ARRDC1: variants seen among roughly 807,000 people sequenced by gnomAD.
The protein encoded by ARRDC1 is arrestin domain-containing protein 1.
Under a neutral mutation model 40.1 loss-of-function variants are expected in ARRDC1, and 37 were observed. The ratio of observed to expected loss-of-function variants is 0.92; its 90% CI spans 0.71 to 1.21. The LOEUF (loss-of-function observed/expected upper bound fraction) is 1.21, where lower values mean the gene tolerates loss of function less well. Among genes scored for constraint, ARRDC1 ranks in the 50% most tolerant of loss-of-function variants. The probability of loss-of-function intolerance (pLI) is 0.00; values close to 1 mark genes in which losing one functional copy is unlikely to be tolerated. For synonymous variants in ARRDC1, 310 were observed against 262.5 expected (o/e 1.18, Z -1.75); for missense variants, 641 against 581.9 (o/e 1.10, Z -1.04).
Position 137,614,594 on chromosome 9 carries a change from C to G in ARRDC1, c.831C>G (p.Leu277=), listed in dbSNP as rs544322483. Residue 277 remains leucine (L), a synonymous_variant, in exon 7 of 8, where the codon CTC becomes CTG. Transcript: ENST00000371421. ...AGGCGCCGGAAGCTACTGTGACCCT[C>G]CCGGTCTTCATTGGCAATATTGCTG... ...SLKAPEATVT[L]PVFIGNIAVN... The G allele has an allele frequency of 1.2e-6, 2 of 1,613,080 alleles. No individual in the cohort carries two copies. Among genetic ancestry groups the G allele is most frequent in the Admixed American group, 1.7e-5 (1 of 60,022 alleles).
chr9:137,609,701 G>GT (rs1842480296), intron 1 of ARRDC1, among the ~76,000 whole-genome samples: 1 of 151,152 alleles, frequency 6.6e-6, no homozygotes, highest in South Asian at 2.1e-4. Flanking sequence ...ATCTTTGGTA[G>GT]TTTTGGTAGA....
intron 1 of ARRDC1, among the ~76,000 whole-genome samples, chr9:137,610,146 C>T (rs1036529002): frequency 6.6e-6 from 1 of 152,190 alleles, no homozygotes; most frequent in Non-Finnish European, 1.5e-5. Flanking sequence ...GGTTGGACAT[C>T]TGTTCCAGTT....
At chr9:137,614,273 A>G (rs1199121347) in intron 5 of ARRDC1, 26 bp from the exon 6 acceptor site, 6 of 1,578,220 alleles carry the variant, frequency 3.8e-6, no homozygotes, top group South Asian at 3.5e-5. Flanking sequence ...CAGCCTGCGC[A>G]GGCTCACAGG....
In ARRDC1 at chr9:137,612,981, C is replaced by A; in HGVS notation, c.204C>A (p.Asn68Lys). The change falls in exon 2 of 8, where the codon AAC (asparagine) becomes AAA (lysine). Residue 68 changes from asparagine to lysine, a missense_variant. Asn to Lys is a moderately conservative substitution (Grantham distance 94, BLOSUM62 0). Coordinates refer to ENST00000371421, the MANE Select transcript of ARRDC1 (RefSeq NM_152285.4). ...GGGTAGTGGAGGAGGGTTACTTCAA[C>A]AGTTCCCTGTCGCTGGCAGACAAGG... ...TAWVVEEGYF[N>K]SSLSLADKGS... is the part of the protein sequence containing the mutation. 1 of 1,614,092 alleles carries A rather than the reference C, an allele frequency of 6.2e-7. No homozygotes were observed.
chr9:137,612,712 G>C, intron 1 of ARRDC1, 184 bp from the exon 2 acceptor site: 1 of 570,270 alleles, frequency 1.8e-6, no homozygotes, highest in Non-Finnish European at 3.1e-6. Context: ...TGATTCCCTT[G>C]GAGCCCCCCA....
rs1488020643 is a variant in ARRDC1 at position 137,614,062 on chromosome 9, T to TTC, written c.469_470dup (p.Tyr158ProfsTer5). ...CAACGTGGCCTCTGCCACCAAGAAG[T>TTC]TCTCCTACAAGCTGGTGAAGACGGG... On this transcript the variant is annotated frameshift_variant, in exon 5 of 8. Coordinates refer to ENST00000371421, the MANE Select transcript of ARRDC1 (RefSeq NM_152285.4). LOFTEE classifies it high-confidence loss of function. 2.0e-5 allele frequency: 32 copies of TTC among 1,612,506 alleles called. No individual in the cohort carries two copies. Among genetic ancestry groups the TTC allele is most frequent in the Non-Finnish European group, 2.6e-5 (31 of 1,179,590 alleles).
chr9:137,607,459 G>A (rs990644718), intron 1 of ARRDC1, among the ~76,000 whole-genome samples: 4 of 152,222 alleles, frequency 2.6e-5, no homozygotes, highest in Admixed American at 2.6e-4. Context: ...GGGCTGACGC[G>A]GAGGGAGGCC....
Position 137,614,226 on chromosome 9 carries a change from C to T in ARRDC1, c.618+12C>T, listed in dbSNP as rs371069629. The T allele has an allele frequency of 2.7e-5, 43 of 1,583,084 alleles. 1 individual carries two copies. The highest frequency in any genetic ancestry group is 1.2e-4 in the Admixed American group (7 of 58,202). ...CCAGTCTGCTGCAGGTCAGAGCCCC[C>T]GCCAGTTGCCTGGACCGGCCTCCTG... On this transcript the variant is annotated intron_variant, in intron 5 of 7. Transcript: ENST00000371421.
In ARRDC1 at chr9:137,605,798, C is replaced by T. The variant is rs781099101; in HGVS notation, c.81C>T (p.Thr27=). ...VYSPGEPLAG[T]VRVRLGAPLP... ...GCCCCGGGGAGCCGTTGGCTGGGAC[C>T]GTGCGCGTGCGCCTGGGGGCACCGC... Residue 27 remains threonine, a synonymous_variant, in exon 1 of 8, where the codon ACC becomes ACT. Transcript: ENST00000371421. The T allele has an allele frequency of 1.3e-5, 17 of 1,297,248 alleles. No homozygotes were observed. Among genetic ancestry groups the T allele is most frequent in the African/African-American group, 1.6e-5 (1 of 64,406 alleles). The allele number at this position is 1,297,248 out of a possible 1,614,324, so 80.4% of individuals were successfully genotyped here.
chr9:137,613,800 G>T, intron 4 of ARRDC1, 31 bp downstream of exon 4: 3 of 1,611,152 alleles, frequency 1.9e-6, no homozygotes, highest in South Asian at 2.2e-5. Context: ...TCCTTGGTGG[G>T]TCCCCACCCT....
At chr9:137,613,360 T>G in intron 2 of ARRDC1, 100 bp from the exon 3 acceptor site, 2 of 1,328,868 alleles carry the variant, frequency 1.5e-6, no homozygotes, top group Non-Finnish European at 2.1e-6. Context: ...AGACCCAGTG[T>G]GAGCTGGTCA....
Position 137,614,827 on chromosome 9 carries a change from C to T in ARRDC1, c.1064C>T (p.Ala355Val), listed in dbSNP as rs1388907024. The T allele has an allele frequency of 1.1e-5, 17 of 1,613,198 alleles. No individual in the cohort carries two copies. The highest frequency in any genetic ancestry group is 2.7e-5 in the African/African-American group (2 of 75,026). ...LLATLSSVPGAPEPCPQDGSP... is the reference protein window; with the variant it reads ...LLATLSSVPGVPEPCPQDGSP... ...GCCACCTTGAGTTCTGTGCCTGGTG[C>T]GCCGGAGCCCTGCCCTCAGGATGGC... Residue 355 changes from alanine to valine, a missense_variant, in exon 7 of 8, where the codon GCG becomes GTG. Coordinates refer to ENST00000371421, the MANE Select transcript of ARRDC1 (RefSeq NM_152285.4).
At chr9:137,612,820 C>G in intron 1 of ARRDC1, 76 bp from the exon 2 acceptor site, 2 of 1,193,398 alleles carry the variant, frequency 1.7e-6, no homozygotes, top group Non-Finnish European at 2.4e-6. Flanking sequence ...GGCCCCAGGT[C>G]GAATTCCTGT....
At position 137,613,494 on chromosome 9, in the gene ARRDC1, C is replaced by T; in HGVS notation, c.264C>T (p.Phe88=). 6.2e-7 allele frequency: 1 copy of T among 1,613,508 alleles called. No individual in the cohort carries two copies. Among genetic ancestry groups the T allele is most frequent in the East Asian group, 2.2e-5 (1 of 44,874 alleles). The change falls in exon 3 of 8, where the codon TTC becomes TTT. Residue 88 remains phenylalanine (F), a synonymous_variant. Coordinates refer to ENST00000371421, the MANE Select transcript of ARRDC1 (RefSeq NM_152285.4). ...SLPAGEHSFP[F]QFLLPATAPT... ...CCGCTGGAGAGCACAGCTTCCCCTT[C>T]CAGTTCCTGCTTCCTGGTGAGAGCC...
intron 1 of ARRDC1, among the ~76,000 whole-genome samples, chr9:137,607,229 C>T (rs951607981): frequency 2.0e-5 from 3 of 152,210 alleles, no homozygotes; most frequent in African/African-American, 7.2e-5. Flanking sequence ...CCGGGGCCCC[C>T]GGGGGTTTCC....
At chr9:137,608,224 G>A (rs1012202914) in intron 1 of ARRDC1, among the ~76,000 whole-genome samples, 1 of 152,082 alleles carries the variant, frequency 6.6e-6, no homozygotes, top group African/African-American at 2.4e-5. Context: ...CTCGTGATCC[G>A]CCCGCCTCGG....
intron 1 of ARRDC1, among the ~76,000 whole-genome samples, chr9:137,608,019 G>C (rs1024944789): frequency 2.0e-5 from 3 of 152,160 alleles, no homozygotes; most frequent in African/African-American, 7.2e-5. Flanking sequence ...GTCTCCCTCT[G>C]TCGCCCAGGC....
chr9:137,615,245 C>T lies in ARRDC1; in HGVS notation c.*107C>T. ...TAGCCTGGCCCACTCAGGACCTGCC[C>T]AGCCTCTGCCAGCTCCTCTGGCATC... On this transcript the variant is annotated 3_prime_UTR_variant, in exon 8 of 8. Coordinates refer to ENST00000371421, the MANE Select transcript of ARRDC1 (RefSeq NM_152285.4). 1 of 1,046,792 alleles carries T rather than the reference C, an allele frequency of 9.6e-7. No individual in the cohort carries two copies. Among genetic ancestry groups the T allele is most frequent in the Non-Finnish European group, 1.3e-6 (1 of 761,868 alleles). 64.8% of individuals were successfully genotyped at this position (1,046,792 alleles called of 1,614,324 possible).
intron 1 of ARRDC1, among the ~76,000 whole-genome samples, chr9:137,606,377 G>A (rs145598731): frequency 1.3e-5 from 2 of 152,162 alleles, no homozygotes; most frequent in Non-Finnish European, 2.9e-5. Flanking sequence ...GGAGGTGAGG[G>A]CCGGCCCGCG....
Sources: allele counts gnomAD v4.1 joint callset (sites outside exome capture counted in the v4.1 genomes callset), GRCh38; gene constraint gnomAD v4.1.1; transcripts MANE v1.5; gene names NCBI Gene and HGNC (gene_info 2026-07-23, HGNC 2026-07-21).